The following LRRC37B variants were observed in gnomAD, a reference collection of about 807,000 sequenced individuals.
LRRC37B encodes the protein leucine-rich repeat-containing protein 37B.
A neutral mutation model predicts 98.3 loss-of-function variants in LRRC37B; 28 were observed. The ratio of observed to expected loss-of-function variants is 0.28; its 90% confidence interval spans 0.21 to 0.39. LRRC37B has a LOEUF of 0.39. Ranked by LOEUF, LRRC37B falls within the 10% of genes least tolerant of loss-of-function variation. The pLI, the probability that LRRC37B is intolerant of heterozygous loss-of-function variation, is 1.00. For synonymous variants in LRRC37B, 364 were observed against 442.7 expected, an observed-to-expected ratio of 0.82 and a Z score of 2.23; for missense variants, 938 against 1,182.7, an observed-to-expected ratio of 0.79 and a Z score of 3.03.
At chr17:32,051,534 C>T (rs1911761092) in intron 11 of LRRC37B, 1 of 151,854 alleles carries the variant, frequency 6.6e-6, no homozygotes, top group Non-Finnish European at 1.5e-5. Context: ...TTCCAGCCCT[C>T]CTGAGCCTAG....
At chr17:32,027,105 T>A (rs1452103195) in intron 2 of LRRC37B, among the ~76,000 whole-genome samples, 1 of 152,194 alleles carries the variant, frequency 6.6e-6, no homozygotes, top group Non-Finnish European at 1.5e-5. Context: ...GTTCTCAAAT[T>A]TTTTTGATGG....
In LRRC37B at chr17:32,045,963, T is replaced by C. The variant is rs574709025; in HGVS notation, c.2323+145T>C. On this transcript the variant is annotated intron_variant, in intron 8 of 11. Coordinates refer to ENST00000327564, the Ensembl canonical transcript of LRRC37B. The stretch of plus-strand genomic sequence containing the variant: ...GATTTCAACTCCCTCAACTTCTGAA[T>C]GACTCCCTTGCTGGGAGTCAGGTTC... 210 of 922,804 alleles carry C rather than the reference T, an allele frequency of 2.3e-4. No individual in the cohort carries two copies. In the South Asian group the frequency reaches 3.4e-3, roughly 15 times the overall value. 57.2% of individuals were successfully genotyped at this position (922,804 alleles called of 1,614,324 possible).
chr17:32,023,018 T>A (rs1159623786), intron 1 of LRRC37B, among the ~76,000 whole-genome samples, 193 bp downstream of exon 4: 1 of 152,216 alleles, frequency 6.6e-6, no homozygotes, highest in South Asian at 2.1e-4. Flanking sequence ...GTCTTTTACT[T>A]TTTCTCCAGT....
intron 1 of LRRC37B, among the ~76,000 whole-genome samples, chr17:32,023,489 G>C (rs901862959): frequency 1.3e-5 from 2 of 152,224 alleles, no homozygotes; most frequent in Non-Finnish European, 2.9e-5. Flanking sequence ...AAGTGGTTAA[G>C]AGTTGATTCT....
chr17:32,020,958 G>T (rs1049534838), upstream of LRRC37B: 7 of 1,462,840 alleles, frequency 4.8e-6, no homozygotes, highest in Non-Finnish European at 5.4e-6. Flanking sequence ...GGGGTGGGAA[G>T]GGGCGCTTGG....
chr17:32,026,285 C>G (rs1340093325), intron 2 of LRRC37B, among the ~76,000 whole-genome samples: 1 of 152,224 alleles, frequency 6.6e-6, no homozygotes, highest in Non-Finnish European at 1.5e-5. Context: ...GAGTTCGAGG[C>G]AGGTGGATCA....
At chr17:32,024,357 A>G in intron 1 of LRRC37B, 1 of 586,980 alleles carries the variant, frequency 1.7e-6, no homozygotes, top group Non-Finnish European at 3.1e-6. Context: ...GCTTATGCCC[A>G]TTTTTCTGTT....
chr17:32,040,393 T>C (rs1028671336), intron 7 of LRRC37B: 10 of 479,512 alleles, frequency 2.1e-5, no homozygotes, highest in African/African-American at 2.0e-4. Context: ...GGGAGCCTGT[T>C]GCTGGCACGG....
intron 3 of LRRC37B, among the ~76,000 whole-genome samples, chr17:32,030,310 C>G (rs1207223372): frequency 6.6e-6 from 1 of 151,854 alleles, no homozygotes; most frequent in Non-Finnish European, 1.5e-5. Context: ...AAATGTGAGG[C>G]TATTCGTTTT....
intron 11 of LRRC37B, chr17:32,051,471 ACT>A (rs1388189115): frequency 7.0e-6 from 1 of 142,970 alleles, no homozygotes; most frequent in African/African-American, 2.6e-5. Context: ...ACAGAGCGAG[ACT>A]CTGCCTCAAA....
chr17:32,008,027 G>A, exon 1 of LRRC37B: 1 of 521,172 alleles, frequency 1.9e-6, no homozygotes. Context: ...CAACTAGGAG[G>A]ATGACATGGA....
chr17:32,009,483 C>T (rs1910480914), intron 1 of LRRC37B, among the ~76,000 whole-genome samples: 1 of 152,038 alleles, frequency 6.6e-6, no homozygotes, highest in Non-Finnish European at 1.5e-5. Flanking sequence ...ATATGTTGCC[C>T]AGACTGATTT....
In LRRC37B at chr17:32,053,391, T is replaced by C. The variant is rs1433034298; in HGVS notation, c.*63T>C. 4 of 1,224,954 alleles carry C rather than the reference T, an allele frequency of 3.3e-6. No individual in the cohort carries two copies. The South Asian group carries it at 4.2e-5, about 13-fold the overall frequency. 75.9% of individuals were successfully genotyped at this position (1,224,954 alleles called of 1,614,324 possible). A position where few individuals can be genotyped will look rare whatever the true frequency, so the allele number is the denominator to read the frequency against. ...TTTTAAAATTGTTATTAAATATTGG[T>C]TTTTTACTTAAATCAATGAAAACTT... On this transcript the variant is annotated 3_prime_UTR_variant, in exon 12 of 12. Transcript: ENST00000327564.
intron 1 of LRRC37B, among the ~76,000 whole-genome samples, chr17:32,009,239 A>T (rs1040430083): frequency 1.3e-4 from 20 of 151,392 alleles, no homozygotes; most frequent in African/African-American, 4.4e-4. Flanking sequence ...CCATCTGTAT[A>T]TCATTGTTTC....
In LRRC37B at chr17:32,034,894, T is replaced by G. The variant is rs776777437; in HGVS notation, c.2058-16T>G. On this transcript the variant is annotated splice_polypyrimidine_tract_variant and intron_variant, in intron 5 of 11. Coordinates refer to ENST00000327564, the Ensembl canonical transcript of LRRC37B. Reference sequence around the variant, plus strand: ...ATTGAAAATGCAGGTAATTTTAATTTCATTGCATTTTTCAGAATTCTCAAT... The same window carrying G: ...ATTGAAAATGCAGGTAATTTTAATTGCATTGCATTTTTCAGAATTCTCAAT... The G allele has an allele frequency of 2.5e-6, 4 of 1,600,876 alleles. No individual in the cohort carries two copies. Among genetic ancestry groups the G allele is most frequent in the Non-Finnish European group, 3.4e-6 (4 of 1,169,248 alleles).
intron 4 of LRRC37B, 115 bp from the exon 8 acceptor site, chr17:32,031,263 A>G (rs1911099208): frequency 1.4e-6 from 2 of 1,453,686 alleles, no homozygotes; most frequent in Non-Finnish European, 1.9e-6. Context: ...AGATTGCCTT[A>G]GTGCACAGAG....
chr17:32,042,845 AAAAATC>A (rs1298666182), intron 7 of LRRC37B: 1 of 151,888 alleles, frequency 6.6e-6, no homozygotes, highest in Non-Finnish European at 1.5e-5. Flanking sequence ...CAAAAAAAAA[AAAAATC>A]ATGAACACAA....
chr17:32,038,649 G>A (rs1443787613), intron 7 of LRRC37B, among the ~76,000 whole-genome samples: 3 of 152,170 alleles, frequency 2.0e-5, no homozygotes, highest in Non-Finnish European at 2.9e-5. Context: ...CTGAAGTCAG[G>A]AGTTCGAGAC....
At chr17:32,008,370 TC>T (rs745371133) in intron 1 of LRRC37B, among the ~76,000 whole-genome samples, 17 of 152,162 alleles carry the variant, frequency 1.1e-4, no homozygotes, top group Non-Finnish European at 1.8e-4. Context: ...TTGCTCCCCG[TC>T]CCCCCAACTC....
Sources: gnomAD v4.1 joint callset for allele counts (sites outside exome capture counted in the v4.1 genomes callset) on GRCh38, gnomAD v4.1.1 for gene constraint, MANE v1.5 for transcripts, NCBI Gene and HGNC (gene_info 2026-07-23, HGNC 2026-07-21) for gene names.